TMEM260: variants seen among roughly 807,000 people sequenced by gnomAD.
The protein encoded by TMEM260 is protein O-mannosyl-transferase TMEM260.
Under a neutral mutation model 88.9 loss-of-function variants are expected in TMEM260, and 82 were observed. The observed-to-expected ratio is 0.92, with a 90% CI of 0.77 to 1.11. The LOEUF is 1.11. Among genes scored for constraint, TMEM260 ranks in the 50% least tolerant of loss-of-function variants. The pLI, the probability that TMEM260 is intolerant of heterozygous loss-of-function variation, is 0.00. For synonymous variants in TMEM260, 314 were observed against 309.3 expected, an observed-to-expected ratio of 1.02 and a Z score of -0.16; for missense variants, 902 against 853.4, an observed-to-expected ratio of 1.06 and a Z score of -0.71.
At chr14:56,643,928 A>T (rs1049671783) in intron 15 of TMEM260, among the ~76,000 whole-genome samples, 35 of 152,150 alleles carry the variant, frequency 2.3e-4, no homozygotes, top group African/African-American at 8.4e-4. Flanking sequence ...AGAATAAAAT[A>T]CCTAGGAATC....
intron 15 of TMEM260, among the ~76,000 whole-genome samples, chr14:56,644,561 C>T (rs1422180374): frequency 6.6e-6 from 1 of 152,060 alleles, no homozygotes; most frequent in African/African-American, 2.4e-5. Flanking sequence ...CTAGAAAAAC[C>T]TAGGCAGTAC....
intron 15 of TMEM260, among the ~76,000 whole-genome samples, chr14:56,637,363 T>TG (rs1889186885): frequency 6.6e-6 from 1 of 151,936 alleles, no homozygotes; most frequent in Non-Finnish European, 1.5e-5. Flanking sequence ...TCATGGAGGG[T>TG]GGCTCTGTCT....
chr14:56,630,972 G>A lies in TMEM260; in HGVS notation c.1548-2023G>A, dbSNP rs529894677. ...CCATGTGTGTGCTACTGTTACTGGCGGCGAGTGTGTGAGTTACTGGCAGCA... is the reference window on the plus strand; with the variant it reads ...CCATGTGTGTGCTACTGTTACTGGCAGCGAGTGTGTGAGTTACTGGCAGCA... On this transcript the variant is annotated intron_variant, in intron 12 of 15. Coordinates refer to ENST00000261556, the MANE Select transcript of TMEM260 (RefSeq NM_017799.4). 8.0e-4 allele frequency among the ~76,000 whole-genome samples: 122 copies of A among 152,200 alleles called. 1 individual carries two copies. Among genetic ancestry groups the A allele is most frequent in the African/African-American group, 1.1e-3 (47 of 41,528 alleles).
intron 6 of TMEM260, among the ~76,000 whole-genome samples, chr14:56,611,006 A>G (rs2345152): frequency 0.89 from 128,984 of 145,550 alleles, 57,236 homozygotes; most frequent in East Asian, 0.99. Context: ...TCACTCTATC[A>G]CCCAGGCTGG....
chr14:56,588,410 TGATGTAAAAAGCTCCATTTTTTTCA>T (rs1205129311), intron 3 of TMEM260, among the ~76,000 whole-genome samples: 2 of 152,122 alleles, frequency 1.3e-5, no homozygotes. Context: ...TTAAATGTGT[TGATGTAAAAAGCTCCATTTTTTTCA>T]GTAAACATGA....
intron 3 of TMEM260, among the ~76,000 whole-genome samples, chr14:56,598,016 A>G (rs1415176674): frequency 3.3e-5 from 5 of 152,166 alleles, no homozygotes; most frequent in Non-Finnish European, 7.3e-5. Context: ...ATTGGGGTGT[A>G]CCATAGTTGG....
chr14:56,650,898 A>T (rs570894141), downstream of TMEM260, among the ~76,000 whole-genome samples: 19 of 152,262 alleles, frequency 1.2e-4, no homozygotes, highest in Non-Finnish European at 2.6e-4. Flanking sequence ...GAATCCTGTT[A>T]CTCCCGACTT....
intron 8 of TMEM260, among the ~76,000 whole-genome samples, chr14:56,616,669 T>C (rs1422709967): frequency 1.3e-5 from 2 of 152,062 alleles, no homozygotes; most frequent in African/African-American, 2.4e-5. Context: ...AAAGCATTTT[T>C]ATGGATTAAT....
Position 56,585,880 on chromosome 14 carries a change from A to G in TMEM260, c.312A>G (p.Val104=). 1 of 1,613,164 alleles carries G rather than the reference A, an allele frequency of 6.2e-7. No individual in the cohort carries two copies. Among genetic ancestry groups the G allele is most frequent in the Non-Finnish European group, 8.5e-7 (1 of 1,179,576 alleles). ...VNLLCGLFGA[V]AASLLFFTVF... ...TTCTCTGTGGCTTATTTGGAGCAGT[A>G]GCTGCATCATTACTTTTTTTCACCG... The change falls in exon 3 of 16, where the codon GTA becomes GTG. Residue 104 remains valine, a synonymous_variant. Coordinates refer to ENST00000261556, the MANE Select transcript of TMEM260 (RefSeq NM_017799.4).
rs1472642115 is a variant in TMEM260 at position 56,649,408 on chromosome 14, T to C, written c.*1911T>C. On this transcript the variant is annotated 3_prime_UTR_variant, in exon 16 of 16. Coordinates refer to ENST00000261556, the MANE Select transcript of TMEM260 (RefSeq NM_017799.4). ...CGTGGTGTAAAAATGTAAGGAAGCA[T>C]TGATAAATTGTCTAAGTTTATCCAT... 6.6e-6 allele frequency: 1 copy of C among 152,378 alleles called. No homozygotes were observed. The highest frequency in any genetic ancestry group is 1.5e-5 in the Non-Finnish European group (1 of 68,030). 9.4% of individuals were successfully genotyped at this position (152,378 alleles called of 1,614,324 possible).
chr14:56,583,227 G>C (rs1885251411), intron 1 of TMEM260, among the ~76,000 whole-genome samples: 1 of 152,136 alleles, frequency 6.6e-6, no homozygotes, highest in South Asian at 2.1e-4. Flanking sequence ...AGTTAACAAA[G>C]GGAACAGTTG....
downstream of TMEM260, among the ~76,000 whole-genome samples, chr14:56,653,352 A>C (rs962307896): frequency 6.6e-6 from 1 of 150,892 alleles, no homozygotes; most frequent in African/African-American, 2.4e-5. Flanking sequence ...TATGTAAAGA[A>C]ATTGATAAAT....
At chr14:56,634,800 C>T in intron 13 of TMEM260, 99 bp from the exon 14 acceptor site, 1 of 1,025,556 alleles carries the variant, frequency 9.8e-7, no homozygotes, top group Non-Finnish European at 1.5e-6. Flanking sequence ...CAAGATCGCA[C>T]CATTGCATTC....
rs1887258183 is a variant in TMEM260, at chr14:56,611,261, C to G, written c.817-984C>G. On this transcript the variant is annotated intron_variant, in intron 6 of 15. Transcript: ENST00000261556. ...GATTACAGGTGTGAGCCACCGCACC[C>G]AGCCTGCCAATTATTACTTCTAAAA... 2.0e-5 allele frequency among the ~76,000 whole-genome samples: 3 copies of G among 152,242 alleles called. No homozygotes were observed. In the South Asian group the frequency reaches 6.2e-4, roughly 32 times the overall value.
chr14:56,615,021 A>G (rs923154761), intron 7 of TMEM260, among the ~76,000 whole-genome samples: 12 of 152,238 alleles, frequency 7.9e-5, no homozygotes, highest in African/African-American at 2.2e-4. Flanking sequence ...CACTTAAGCA[A>G]TAGATCTCCA....
chr14:56,616,503 C>T (rs1887603479), intron 8 of TMEM260, among the ~76,000 whole-genome samples: 1 of 151,934 alleles, frequency 6.6e-6, no homozygotes, highest in African/African-American at 2.4e-5. Flanking sequence ...TTGACACAAA[C>T]ATTGTGAACA....
chr14:56,657,464 T>A, the TMEM260 span, among the ~76,000 whole-genome samples: 2 of 127,240 alleles, frequency 1.6e-5, no homozygotes, highest in Non-Finnish European at 3.0e-5. Context: ...GTTTACTACA[T>A]TTAATAAACA....
At chr14:56,619,876 T>A (rs561561214) in intron 10 of TMEM260, among the ~76,000 whole-genome samples, 2 of 152,188 alleles carry the variant, frequency 1.3e-5, no homozygotes, top group African/African-American at 4.8e-5. Context: ...AACAAAGACA[T>A]GGAATCAACC....
At chr14:56,614,510 G>A (rs1397913906) in intron 7 of TMEM260, among the ~76,000 whole-genome samples, 2 of 152,164 alleles carry the variant, frequency 1.3e-5, no homozygotes, top group African/African-American at 4.8e-5. Context: ...GATTGTTACA[G>A]CATTAAGGAT....
Sources: gnomAD v4.1 joint callset for allele counts (sites outside exome capture counted in the v4.1 genomes callset) on GRCh38, gnomAD v4.1.1 for gene constraint, MANE v1.5 for transcripts, NCBI Gene and HGNC (gene_info 2026-07-23, HGNC 2026-07-21) for gene names.